The following UXS1 variants were observed in gnomAD, a reference collection of about 807,000 sequenced individuals.
The protein encoded by UXS1 is UDP-glucuronic acid decarboxylase 1.
Under a neutral mutation model 62.6 loss-of-function variants are expected in UXS1, and 33 were observed. The ratio of observed to expected loss-of-function variants is 0.53; its 90% CI spans 0.40 to 0.70. The LOEUF (loss-of-function observed/expected upper bound fraction) is 0.70. UXS1 is among the 30% of genes least tolerant of loss of function. UXS1 has a pLI of 0.00. For missense variants in UXS1, 434 were observed against 556.3 expected (o/e 0.78, Z 2.21); for synonymous variants, 213 against 206.8 (o/e 1.03, Z -0.26).
chr2:106,174,691 G>T (rs1275482102), intron 1 of UXS1, among the ~76,000 whole-genome samples: 2 of 152,350 alleles, frequency 1.3e-5, no homozygotes, highest in East Asian at 3.9e-4. Flanking sequence ...CACGTGCCCA[G>T]TAAGAGTGGC....
intron 1 of UXS1, among the ~76,000 whole-genome samples, chr2:106,181,386 A>C (rs1684236723): frequency 6.6e-6 from 1 of 152,214 alleles, no homozygotes; most frequent in South Asian, 2.1e-4. Flanking sequence ...TTTGAGAATA[A>C]CCGTTAATGA....
intron 1 of UXS1, among the ~76,000 whole-genome samples, chr2:106,172,185 A>C (rs1683607731): frequency 6.6e-6 from 1 of 152,238 alleles, no homozygotes; most frequent in Admixed American, 6.5e-5. Context: ...GAGGGCGTGG[A>C]GAACCCTTCC....
intron 1 of UXS1, among the ~76,000 whole-genome samples, chr2:106,191,191 TG>T (rs1394163070): frequency 3.3e-5 from 5 of 151,962 alleles, no homozygotes; most frequent in Non-Finnish European, 7.4e-5. Context: ...TTGGGAAAGA[TG>T]TAAGGAGGAG....
At chr2:106,109,578 C>T (rs1323696463) in intron 10 of UXS1, among the ~76,000 whole-genome samples, 3 of 152,174 alleles carry the variant, frequency 2.0e-5, no homozygotes, top group Non-Finnish European at 4.4e-5. Flanking sequence ...GAACTGTGGA[C>T]CAAAGCCTCT....
At chr2:106,094,478 T>A (rs1676919003) in intron 14 of UXS1, among the ~76,000 whole-genome samples, 1 of 152,222 alleles carries the variant, frequency 6.6e-6, no homozygotes, top group South Asian at 2.1e-4. Context: ...CCAGTTTGAA[T>A]CGGCTGGCAA....
At chr2:106,145,550 G>C in intron 5 of UXS1, 180 bp from the exon 6 acceptor site, 1 of 632,368 alleles carries the variant, frequency 1.6e-6, no homozygotes, top group Non-Finnish European at 2.5e-6. Flanking sequence ...AGAACAAAGA[G>C]GTCATACTAT....
chr2:106,139,803 T>C (rs750881967), intron 6 of UXS1, among the ~76,000 whole-genome samples: 8 of 152,240 alleles, frequency 5.3e-5, no homozygotes, highest in East Asian at 1.9e-4. Context: ...CTAAAGACTA[T>C]AGAAACACTA....
intron 5 of UXS1, among the ~76,000 whole-genome samples, chr2:106,151,367 G>C (rs1358415476): frequency 6.6e-6 from 1 of 152,162 alleles, no homozygotes; most frequent in Non-Finnish European, 1.5e-5. Flanking sequence ...ACAGTATTGG[G>C]AGGTGAGGCC....
intron 1 of UXS1, 114 bp downstream of exon 1, chr2:106,194,034 G>C: frequency 1.4e-6 from 1 of 725,260 alleles, no homozygotes; most frequent in Non-Finnish European, 1.9e-6. Context: ...GCCCGGGGCG[G>C]GGAGCAACGC....
In UXS1 at chr2:106,194,278, G is replaced by C. The variant is rs746016671; in HGVS notation, c.-37C>G. On this transcript the variant is annotated 5_prime_UTR_variant, in exon 1 of 15. Coordinates refer to ENST00000283148, the MANE Select transcript of UXS1 (RefSeq NM_001253875.2). ...GCGCGGGTCCAGGGCCCTACCGCGCGGGGGCCCGCCTGCTGCACAATGCGC... is the reference window on the plus strand; with the variant it reads ...GCGCGGGTCCAGGGCCCTACCGCGCCGGGGCCCGCCTGCTGCACAATGCGC... 2.5e-5 allele frequency: 30 copies of C among 1,214,290 alleles called. No homozygotes were observed. Among genetic ancestry groups the C allele is most frequent in the South Asian group, 4.3e-5 (2 of 46,022 alleles). 75.2% of individuals were successfully genotyped at this position (1,214,290 alleles called of 1,614,324 possible).
chr2:106,102,513 C>T (rs1442221378), intron 11 of UXS1: 1 of 152,152 alleles, frequency 6.6e-6, no homozygotes, highest in Non-Finnish European at 1.5e-5. Context: ...AAGCTCTTTA[C>T]AAGTGTCATT....
intron 9 of UXS1, 116 bp downstream of exon 9, chr2:106,122,854 C>A (rs1196581479): frequency 2.1e-6 from 3 of 1,425,436 alleles, no homozygotes; most frequent in Non-Finnish European, 2.8e-6. Context: ...CTGAGCTTCC[C>A]AAACACCTAT....
intron 14 of UXS1, among the ~76,000 whole-genome samples, chr2:106,095,694 T>A (rs1434421015): frequency 2.6e-5 from 4 of 152,110 alleles, no homozygotes; most frequent in Admixed American, 1.3e-4. Context: ...AGCCCGAATT[T>A]CAGTGGGGCA....
intron 7 of UXS1, 32 bp downstream of exon 7, chr2:106,129,642 A>G (rs780226588): frequency 6.5e-7 from 1 of 1,530,540 alleles, no homozygotes; most frequent in African/African-American, 1.4e-5. Context: ...ATTCCCAGCA[A>G]CAGCCAAAAA....
intron 5 of UXS1, among the ~76,000 whole-genome samples, chr2:106,148,477 A>G (rs962977269): frequency 1.3e-5 from 2 of 152,214 alleles, no homozygotes; most frequent in Non-Finnish European, 2.9e-5. Context: ...TGCACCCAAA[A>G]TACCTGGCAG....
intron 1 of UXS1, among the ~76,000 whole-genome samples, chr2:106,181,247 G>A (rs1051881690): frequency 4.6e-5 from 7 of 152,118 alleles, no homozygotes; most frequent in Non-Finnish European, 8.8e-5. Context: ...CTTCTTCCCC[G>A]CTGCCAATCA....
intron 6 of UXS1, among the ~76,000 whole-genome samples, chr2:106,143,222 C>T (rs995884808): frequency 6.6e-6 from 1 of 151,332 alleles, no homozygotes; most frequent in Non-Finnish European, 1.5e-5. Context: ...TCCTGGCTAA[C>T]AGGGTGAAAC....
At chr2:106,125,265 C>T (rs1250809971) in intron 8 of UXS1, among the ~76,000 whole-genome samples, 1 of 152,170 alleles carries the variant, frequency 6.6e-6, no homozygotes, top group African/African-American at 2.4e-5. Flanking sequence ...ATGCAGCATG[C>T]ATGACTCACA....
At chr2:106,143,089 A>G (rs12466160) in intron 6 of UXS1, among the ~76,000 whole-genome samples, 3,187 of 152,182 alleles carry the variant, frequency 0.021, 52 homozygotes, top group Admixed American at 0.048. Flanking sequence ...TATATAAACA[A>G]TAGTGTCATA....
Sources: allele counts gnomAD v4.1 joint callset (sites outside exome capture counted in the v4.1 genomes callset), GRCh38; gene constraint gnomAD v4.1.1; transcripts MANE v1.5; gene names NCBI Gene and HGNC (gene_info 2026-07-23, HGNC 2026-07-21).